The following ARHGEF7 variants were observed in gnomAD, a reference collection of about 807,000 sequenced individuals.
ARHGEF7 encodes Rho guanine nucleotide exchange factor 7, also known as PAK-interacting exchange factor beta.
A neutral mutation model predicts 109.8 loss-of-function variants in ARHGEF7; 33 were observed. The observed-to-expected ratio is 0.30, with a 90% CI of 0.23 to 0.40. The LOEUF is 0.40. Ranked by LOEUF, ARHGEF7 falls within the 10% of genes least tolerant of loss-of-function variation. The probability of loss-of-function intolerance (pLI) is 1.00; values close to 1 mark genes in which losing one functional copy is unlikely to be tolerated. For missense variants in ARHGEF7, 938 were observed against 1,098.5 expected, an observed-to-expected ratio of 0.85 and a Z score of 2.07; for synonymous variants, 458 against 424.6, an observed-to-expected ratio of 1.08 and a Z score of -0.97.
chr13:111,274,879 T>TA (rs1309043095), intron 11 of ARHGEF7, 89 bp downstream of exon 11: 1 of 948,916 alleles, frequency 1.1e-6, no homozygotes, highest in Non-Finnish European at 1.5e-6. Context: ...GTCAAATGAT[T>TA]AAAAAATGAC....
intron 18 of ARHGEF7, among the ~76,000 whole-genome samples, chr13:111,290,916 C>T (rs2093254889): frequency 6.6e-6 from 1 of 152,162 alleles, no homozygotes; most frequent in African/African-American, 2.4e-5. Context: ...GTGAAAGCAG[C>T]TCTTTTTACA....
chr13:111,212,201 T>C (rs2082582322), intron 4 of ARHGEF7, among the ~76,000 whole-genome samples: 3 of 152,216 alleles, frequency 2.0e-5, no homozygotes, highest in Non-Finnish European at 4.4e-5. Flanking sequence ...TTGCGTTTAC[T>C]GCTTTGCACT....
Position 111,115,564 on chromosome 13 carries a change from C to G in ARHGEF7, c.38C>G (p.Thr13Ser), listed in dbSNP as rs1186756063. 2 of 1,422,254 alleles carry G rather than the reference C, an allele frequency of 1.4e-6. No homozygotes were observed. The highest frequency in any genetic ancestry group is 2.6e-5 in the South Asian group (2 of 75,936). 88.1% of individuals were successfully genotyped at this position (1,422,254 alleles called of 1,614,324 possible). A position where few individuals can be genotyped will look rare whatever the true frequency, so the allele number is the denominator to read the frequency against. ...GAGCAAACCGTTACGTGGCTCATCA[C>G]TCTGGGGGTGCTGGAGTCGCCCAAA... Reference protein sequence around the residue: ...SAEQTVTWLITLGVLESPKKT... With the variant: ...SAEQTVTWLISLGVLESPKKT... Residue 13 changes from threonine (T) to serine (S), a missense_variant, in exon 1 of 22, where the codon ACT (threonine) becomes AGT (serine). Thr to Ser is a moderately conservative substitution (Grantham distance 58). Coordinates refer to ENST00000646102, the MANE Select transcript of ARHGEF7 (RefSeq NM_001354046.2).
chr13:111,198,565 T>G (rs1208281420), intron 2 of ARHGEF7, among the ~76,000 whole-genome samples: 4 of 152,134 alleles, frequency 2.6e-5, no homozygotes, highest in Admixed American at 2.6e-4. Flanking sequence ...TTACAGCTCT[T>G]AAAGGTGGTG....
intron 18 of ARHGEF7, among the ~76,000 whole-genome samples, chr13:111,290,813 C>G (rs1337216970): frequency 2.0e-5 from 3 of 152,194 alleles, no homozygotes; most frequent in Non-Finnish European, 2.9e-5. Context: ...CCCTTTAAAC[C>G]TAACACTCAA....
chr13:111,209,741 A>T, intron 3 of ARHGEF7, 131 bp from the exon 4 acceptor site: 1 of 1,019,984 alleles, frequency 9.8e-7, no homozygotes, highest in Non-Finnish European at 1.4e-6. Flanking sequence ...TTTCTGCATA[A>T]ATGGGCTGCT....
chr13:111,213,032 T>C (rs568307458), intron 4 of ARHGEF7, among the ~76,000 whole-genome samples: 22 of 152,198 alleles, frequency 1.4e-4, no homozygotes, highest in Non-Finnish European at 2.8e-4. Context: ...CATTTCTCCT[T>C]CTGTAAAGGA....
chr13:111,285,269 T>C (rs2092970640), intron 16 of ARHGEF7, among the ~76,000 whole-genome samples: 1 of 152,178 alleles, frequency 6.6e-6, no homozygotes, highest in South Asian at 2.1e-4. Context: ...TTAAAGATAA[T>C]TTTAAAAACC....
chr13:111,143,343 A>G (rs1339774848), intron 1 of ARHGEF7, among the ~76,000 whole-genome samples: 3 of 152,226 alleles, frequency 2.0e-5, no homozygotes, highest in Non-Finnish European at 4.4e-5. Context: ...CCTTGGATTC[A>G]CTAGCACATT....
intron 15 of ARHGEF7, chr13:111,281,209 T>TTTTTTTTAA (rs1555400140): frequency 8.4e-6 from 1 of 118,710 alleles, no homozygotes; most frequent in Admixed American, 8.9e-5. Context: ...TTTTTTTTTT[T>TTTTTTTTAA]ACAACTTTTC....
intron 1 of ARHGEF7, among the ~76,000 whole-genome samples, chr13:111,125,568 C>A (rs528381901): frequency 1.3e-5 from 2 of 152,320 alleles, no homozygotes; most frequent in South Asian, 4.1e-4. Flanking sequence ...GTTCTCTCGC[C>A]ATGAAGCCTT....
chr13:111,144,221 T>C (rs1234416011), intron 1 of ARHGEF7: 2 of 152,340 alleles, frequency 1.3e-5, no homozygotes, highest in Non-Finnish European at 2.9e-5. Context: ...TGGAAAACAA[T>C]TTGTTTGTTC....
intron 21 of ARHGEF7, among the ~76,000 whole-genome samples, chr13:111,302,187 G>A (rs908541135): frequency 2.0e-5 from 3 of 152,298 alleles, no homozygotes; most frequent in East Asian, 3.9e-4. Flanking sequence ...CAGAAGTGGC[G>A]ACTAACCAAG....
rs762465755 is a variant in ARHGEF7, at chr13:111,253,539, C to T, written c.950+9245C>T. On this transcript the variant is annotated intron_variant, in intron 8 of 21. Transcript: ENST00000646102. Reference sequence around the variant, plus strand: ...AATACTAAAATACCCAGTAACTCTCCGTCTCTTTGTTTAGATGCCAGCGCA... The same window carrying T: ...AATACTAAAATACCCAGTAACTCTCTGTCTCTTTGTTTAGATGCCAGCGCA... Among the ~76,000 whole-genome samples the T allele has an allele frequency of 2.6e-5, 4 of 152,166 alleles. No individual in the cohort carries two copies. The East Asian group carries it at 5.8e-4, about 22-fold the overall frequency.
chr13:111,221,471 A>G (rs1362739528), intron 5 of ARHGEF7, among the ~76,000 whole-genome samples: 3 of 93,040 alleles, frequency 3.2e-5, no homozygotes, highest in Non-Finnish European at 6.2e-5. Flanking sequence ...ATAGACATCT[A>G]TATATATAGA....
intron 2 of ARHGEF7, among the ~76,000 whole-genome samples, chr13:111,154,570 A>AT (rs781257035): frequency 6.6e-6 from 1 of 152,218 alleles, no homozygotes; most frequent in South Asian, 2.1e-4. Context: ...AATTCACATT[A>AT]ACCAGTATGT....
At position 111,145,938 on chromosome 13, in the gene ARHGEF7, G is replaced by A. The variant is rs2075567461; in HGVS notation, c.166-7967G>A. Reference sequence around the variant, plus strand: ...TTCTTTGTTTCACTTACTCCGTGATGAGTGGATTTGGTGACCTAAGTGAGT... The same window carrying A: ...TTCTTTGTTTCACTTACTCCGTGATAAGTGGATTTGGTGACCTAAGTGAGT... On this transcript the variant is annotated intron_variant, in intron 1 of 21. Coordinates refer to ENST00000646102, the MANE Select transcript of ARHGEF7 (RefSeq NM_001354046.2). This position sits in a 1 kb window ranked among gnomAD's most constrained non-coding sequence, Gnocchi z 4.3. Among the ~76,000 whole-genome samples the A allele has an allele frequency of 1.3e-5, 2 of 152,222 alleles. No homozygotes were observed. The highest frequency in any genetic ancestry group is 4.8e-5 in the African/African-American group (2 of 41,458).
chr13:111,274,202 T>C (rs1271821408), intron 10 of ARHGEF7, among the ~76,000 whole-genome samples: 1 of 152,192 alleles, frequency 6.6e-6, no homozygotes, highest in Non-Finnish European at 1.5e-5. Context: ...TGAGAACTGA[T>C]TTTCAGATAG....
chr13:111,253,198 C>G (rs1306774688), intron 8 of ARHGEF7, among the ~76,000 whole-genome samples: 1 of 152,254 alleles, frequency 6.6e-6, no homozygotes, highest in East Asian at 1.9e-4. Context: ...CCCTGTACTA[C>G]ATGATTTACT....
Sources: allele counts gnomAD v4.1 joint callset (sites outside exome capture counted in the v4.1 genomes callset), GRCh38; gene constraint gnomAD v4.1.1; non-coding constraint Gnocchi (gnomAD v3.1); transcripts MANE v1.5; gene names NCBI Gene and HGNC (gene_info 2026-07-23, HGNC 2026-07-21).